NELL2: variants seen among roughly 807,000 people sequenced by gnomAD.
NELL2 encodes protein kinase C-binding protein NELL2.
A neutral mutation model predicts 109.6 loss-of-function variants in NELL2; 41 were observed. The ratio of observed to expected loss-of-function variants is 0.37; its 90% CI spans 0.29 to 0.49. The LOEUF (loss-of-function observed/expected upper bound fraction) is 0.49. NELL2 is among the 20% of genes least tolerant of loss of function. The pLI is 0.98. For missense variants in NELL2, 900 were observed against 1,008.3 expected (o/e 0.89, Z 1.45); for synonymous variants, 355 against 344.7 (o/e 1.03, Z -0.33).
upstream of NELL2, chr12:44,876,557 G>T (rs1313860155): frequency 2.0e-6 from 3 of 1,470,512 alleles, no homozygotes; most frequent in South Asian, 2.7e-5. Context: ...TTTCGGGATT[G>T]AAAGCTCTAA....
At chr12:44,562,723 T>A (rs1328597971) in intron 15 of NELL2, among the ~76,000 whole-genome samples, 1 of 152,132 alleles carries the variant, frequency 6.6e-6, no homozygotes, top group Non-Finnish European at 1.5e-5. Flanking sequence ...TTGGTGGGAG[T>A]GTAAATTAGT....
chr12:44,847,274 G>T (rs554313323), intron 2 of NELL2, among the ~76,000 whole-genome samples: 25 of 152,082 alleles, frequency 1.6e-4, no homozygotes, highest in Non-Finnish European at 3.2e-4. Flanking sequence ...TGAAGTAAGG[G>T]TATTAGATTA....
At chr12:44,512,334 C>T (rs1769408575) in intron 19 of NELL2, among the ~76,000 whole-genome samples, 1 of 152,030 alleles carries the variant, frequency 6.6e-6, no homozygotes, top group Admixed American at 6.6e-5. Flanking sequence ...ATTACAAATG[C>T]TGGTGAGGAT....
intron 15 of NELL2, among the ~76,000 whole-genome samples, chr12:44,587,026 A>G (rs949582338): frequency 2.0e-5 from 3 of 151,942 alleles, no homozygotes; most frequent in African/African-American, 7.2e-5. Context: ...TAATCCCGGC[A>G]CTTTGGGAGG....
At chr12:44,743,581 C>G (rs1223824560) in intron 9 of NELL2, among the ~76,000 whole-genome samples, 1 of 151,876 alleles carries the variant, frequency 6.6e-6, no homozygotes, top group Non-Finnish European at 1.5e-5. Context: ...CACACAAAGG[C>G]TCAAAATAAA....
At chr12:44,617,691 C>CAAAAAAAAAAAAAAAAAAAAAAAAA (rs975070930) in intron 13 of NELL2, among the ~76,000 whole-genome samples, 3 of 22,386 alleles carry the variant, frequency 1.3e-4, no homozygotes, top group African/African-American at 3.1e-4. Context: ...GACTCCGTCT[C>CAAAAAAAAAAAAAAAAAAAAAAAAA]AAAAAAAAAA....
At chr12:44,538,748 C>T (rs774564250) in intron 15 of NELL2, among the ~76,000 whole-genome samples, 8 of 152,074 alleles carry the variant, frequency 5.3e-5, no homozygotes, top group Non-Finnish European at 8.8e-5. Context: ...TTCTTAAATG[C>T]TTATCTTTGG....
At position 44,532,678 on chromosome 12, in the gene NELL2, A is replaced by T. The variant is rs150827105; in HGVS notation, c.1707T>A (p.Arg569=). ...ATCCAGGCAGGTTAATGCAATTAGCACGACTGTCACATTGAACAAAACCAT... is the reference window on the plus strand; with the variant it reads ...ATCCAGGCAGGTTAATGCAATTAGCTCGACTGTCACATTGAACAAAACCAT... The part of the protein sequence containing the change: ...CSDGFVQCDS[R]ANCINLPGWY... Residue 569 remains arginine, a synonymous_variant, in exon 16 of 20, where the codon CGT becomes CGA. Transcript: ENST00000429094. 6.2e-7 allele frequency: 1 copy of T among 1,613,500 alleles called. No individual in the cohort carries two copies. Among genetic ancestry groups the T allele is most frequent in the African/African-American group, 1.3e-5 (1 of 74,892 alleles).
At chr12:44,751,776 T>C (rs982585339) in intron 9 of NELL2, among the ~76,000 whole-genome samples, 1 of 152,188 alleles carries the variant, frequency 6.6e-6, no homozygotes, top group African/African-American at 2.4e-5. Flanking sequence ...ACTTAAAATA[T>C]GTAAACTGAT....
intron 19 of NELL2, among the ~76,000 whole-genome samples, chr12:44,518,292 T>G (rs947613201): frequency 1.3e-5 from 2 of 151,814 alleles, no homozygotes; most frequent in African/African-American, 2.4e-5. Context: ...TTGCCCAGGC[T>G]GGAGGGCAGT....
At chr12:44,532,798 T>C in intron 15 of NELL2, 77 bp from the exon 16 acceptor site, 2 of 1,360,594 alleles carry the variant, frequency 1.5e-6, no homozygotes, top group Middle Eastern at 1.9e-4. Context: ...ACAAGGCTAC[T>C]AAAATTTTTA....
Position 44,735,136 on chromosome 12 carries a change from T to G in NELL2, c.995-20395A>C, listed in dbSNP as rs1340848222. ...CGTGTCTAGATCTCATGTCTTCCTGTTCCTTGAAGATATACTGATTTATCT... is the reference window on the plus strand; with the variant it reads ...CGTGTCTAGATCTCATGTCTTCCTGGTCCTTGAAGATATACTGATTTATCT... On this transcript the variant is annotated intron_variant, in intron 9 of 19. Transcript: ENST00000429094. Among the ~76,000 whole-genome samples the G allele has an allele frequency of 4.6e-5, 7 of 152,162 alleles. No individual in the cohort carries two copies. In the South Asian group the frequency reaches 6.2e-4, roughly 14 times the overall value.
At chr12:44,728,960 C>T (rs893495076) in intron 9 of NELL2, among the ~76,000 whole-genome samples, 6 of 148,898 alleles carry the variant, frequency 4.0e-5, no homozygotes, top group South Asian at 4.1e-4. Context: ...ACTCAACCTG[C>T]CTTACAGAAA....
chr12:44,811,661 T>A (rs892988618), intron 3 of NELL2, among the ~76,000 whole-genome samples: 5 of 152,034 alleles, frequency 3.3e-5, no homozygotes, highest in African/African-American at 1.2e-4. Context: ...TCCTACCTTC[T>A]CCCTCTTTAA....
chr12:44,582,203 G>A (rs1944347627), intron 15 of NELL2, among the ~76,000 whole-genome samples: 1 of 152,168 alleles, frequency 6.6e-6, no homozygotes, highest in African/African-American at 2.4e-5. Flanking sequence ...GAAGAGTGGA[G>A]TAAGAAAAAC....
intron 9 of NELL2, among the ~76,000 whole-genome samples, chr12:44,739,855 A>C (rs1939854786): frequency 6.6e-6 from 1 of 152,188 alleles, no homozygotes; most frequent in Non-Finnish European, 1.5e-5. Context: ...GCGCGACTGC[A>C]CTCCAGCATG....
chr12:44,519,979 C>A (rs746334562), intron 19 of NELL2, 26 bp downstream of exon 19: 1 of 1,599,872 alleles, frequency 6.3e-7, no homozygotes, highest in South Asian at 1.1e-5. Flanking sequence ...GCAAAGTGCT[C>A]ACTATTTAAA....
intron 15 of NELL2, among the ~76,000 whole-genome samples, chr12:44,550,894 G>C (rs1431580263): frequency 6.6e-6 from 1 of 152,100 alleles, no homozygotes; most frequent in Non-Finnish European, 1.5e-5. Flanking sequence ...TGGTTAAACT[G>C]TGCAAAGTTT....
At chr12:44,769,065 G>T (rs1203277206) in intron 9 of NELL2, among the ~76,000 whole-genome samples, 1 of 152,052 alleles carries the variant, frequency 6.6e-6, no homozygotes, top group Admixed American at 6.6e-5. Flanking sequence ...AAGAACACAT[G>T]TTCAGAAATC....
Sources: gnomAD v4.1 joint callset for allele counts (sites outside exome capture counted in the v4.1 genomes callset) on GRCh38, gnomAD v4.1.1 for gene constraint, MANE v1.5 for transcripts, NCBI Gene and HGNC (gene_info 2026-07-23, HGNC 2026-07-21) for gene names.